Variants in METTL9 observed in about 807,000 individuals in gnomAD.
METTL9 encodes the protein methyltransferase 9, His-X-His N1(pi)-histidine, also known as protein-L-histidine N-pros-methyltransferase.
A neutral mutation model predicts 36.0 loss-of-function variants in METTL9; 10 were observed. The ratio of observed to expected loss-of-function variants is 0.28; its 90% CI spans 0.17 to 0.47. The LOEUF (loss-of-function observed/expected upper bound fraction) is 0.47, where lower values mean the gene tolerates loss of function less well. Ranked by LOEUF, METTL9 falls within the 20% of genes least tolerant of loss-of-function variation. The probability of loss-of-function intolerance (pLI) is 0.99; values close to 1 mark genes in which losing one functional copy is unlikely to be tolerated. For missense variants in METTL9, 246 were observed against 383.5 expected (o/e 0.64, Z 3.00); for synonymous variants, 175 against 149.7 (o/e 1.17, Z -1.23).
chr16:21,633,730 G>T (rs1051019874), intron 4 of METTL9, among the ~76,000 whole-genome samples: 2 of 152,158 alleles, frequency 1.3e-5, no homozygotes, highest in African/African-American at 2.4e-5. Flanking sequence ...TCCTAGAATT[G>T]AGGTGTTTCA....
At chr16:21,631,084 G>A (rs1271044085) in intron 4 of METTL9, among the ~76,000 whole-genome samples, 3 of 152,134 alleles carry the variant, frequency 2.0e-5, no homozygotes, top group Non-Finnish European at 2.9e-5. Flanking sequence ...TGTAGAGTAT[G>A]GATAGATTTT....
chr16:21,613,835 T>G (rs1056684833), intron 2 of METTL9, among the ~76,000 whole-genome samples: 2 of 14,678 alleles, frequency 1.4e-4, no homozygotes, highest in Non-Finnish European at 2.0e-4. Context: ...TTTTTTTTGT[T>G]TTTTTTTTTT....
At chr16:21,612,904 A>G in intron 2 of METTL9, 69 bp downstream of exon 2, 1 of 1,366,016 alleles carries the variant, frequency 7.3e-7, no homozygotes, top group Non-Finnish European at 9.8e-7. Context: ...CACAAAAAGA[A>G]AAGTTATCTT....
rs1304187461 is a variant in METTL9 at position 21,643,174 on chromosome 16, A to G, written c.752-12053A>G. ...CTTCTTCTATAAAGACAAATGAGAA[A>G]AAAAAATTCTCTTTTGGGAATATAA... On this transcript the variant is annotated intron_variant, in intron 4 of 4. Coordinates refer to ENST00000358154, the MANE Select transcript of METTL9 (RefSeq NM_016025.5). 7 of 1,566,292 alleles carry G rather than the reference A, an allele frequency of 4.5e-6. No homozygotes were observed. The East Asian group carries it at 1.6e-4, about 35-fold the overall frequency.
intron 4 of METTL9, among the ~76,000 whole-genome samples, chr16:21,630,640 G>A (rs1297347076): frequency 6.6e-6 from 1 of 152,212 alleles, no homozygotes; most frequent in Admixed American, 6.5e-5. Context: ...GAACTCTTTA[G>A]GCCAGTGGAA....
chr16:21,608,075 G>A (rs1965336030), intron 1 of METTL9, among the ~76,000 whole-genome samples: 1 of 152,026 alleles, frequency 6.6e-6, no homozygotes, highest in South Asian at 2.1e-4. Flanking sequence ...CTTGAACCCG[G>A]CAGGCAGAGG....
intron 1 of METTL9, among the ~76,000 whole-genome samples, chr16:21,603,501 A>G (rs187491192): frequency 1.7e-3 from 261 of 152,346 alleles, no homozygotes; most frequent in African/African-American, 6.0e-3. Context: ...GGGAAGAAAT[A>G]GAGGCAGGCA....
intron 4 of METTL9, among the ~76,000 whole-genome samples, chr16:21,648,844 A>C (rs1015347374): frequency 9.2e-5 from 14 of 152,214 alleles, no homozygotes; most frequent in Non-Finnish European, 1.8e-4. Context: ...AAAGTCATCC[A>C]AGTGGTCTGA....
chr16:21,636,586 G>A (rs1051577859), intron 4 of METTL9, among the ~76,000 whole-genome samples: 11 of 152,198 alleles, frequency 7.2e-5, no homozygotes, highest in East Asian at 3.8e-4. Flanking sequence ...GCTCATGGCC[G>A]CAGGGTCAAC....
At chr16:21,605,084 A>G (rs1810439767) in intron 1 of METTL9, among the ~76,000 whole-genome samples, 1 of 151,912 alleles carries the variant, frequency 6.6e-6, no homozygotes, top group Admixed American at 6.6e-5. Flanking sequence ...TACATACAGA[A>G]AAGTGAGGGT....
At chr16:21,622,105 G>T (rs1276654659) in intron 3 of METTL9, among the ~76,000 whole-genome samples, 1 of 139,304 alleles carries the variant, frequency 7.2e-6, no homozygotes. Context: ...GCCTCCCAAA[G>T]TGCTAGGATT....
chr16:21,605,257 C>CCTTTTTTTTTTTTTTTTTTT (rs1965246523), intron 1 of METTL9, among the ~76,000 whole-genome samples: 2 of 51,204 alleles, frequency 3.9e-5, no homozygotes, highest in Non-Finnish European at 7.7e-5. Context: ...GGCTTGCCTT[C>CCTTTTTTTTTTTTTTTTTTT]TTTTTTTTTT....
chr16:21,597,306 C>T (rs1435053649), upstream of METTL9: 2 of 1,288,352 alleles, frequency 1.6e-6, no homozygotes, highest in East Asian at 1.1e-4. Flanking sequence ...AAAAGGTCAG[C>T]TATTGAATTT....
In METTL9 at chr16:21,655,450, T is replaced by A. The variant is rs766488958; in HGVS notation, c.*18T>A. On this transcript the variant is annotated 3_prime_UTR_variant, in exon 5 of 5. Coordinates refer to ENST00000358154, the MANE Select transcript of METTL9 (RefSeq NM_016025.5). Reference sequence around the variant, plus strand: ...CAGTATAAACACGTGGAGGTCGAAGTCTTCAGAGTCCGCACCCTCCGGGAT... The same window carrying A: ...CAGTATAAACACGTGGAGGTCGAAGACTTCAGAGTCCGCACCCTCCGGGAT... 4.4e-6 allele frequency: 7 copies of A among 1,605,420 alleles called. No homozygotes were observed.
intron 1 of METTL9, among the ~76,000 whole-genome samples, chr16:21,604,732 T>C (rs764689429): frequency 6.6e-6 from 1 of 152,244 alleles, no homozygotes; most frequent in African/African-American, 2.4e-5. Context: ...AATCCTTAGC[T>C]GTCAAGCTCT....
intron 4 of METTL9, chr16:21,647,062 G>C: frequency 2.5e-6 from 4 of 1,592,658 alleles, no homozygotes; most frequent in Non-Finnish European, 3.4e-6. Context: ...TTCTACATGT[G>C]AGTGAGGTAA....
intron 4 of METTL9, among the ~76,000 whole-genome samples, chr16:21,630,279 C>T (rs1448476964): frequency 1.3e-5 from 2 of 152,232 alleles, no homozygotes; most frequent in Middle Eastern, 3.2e-3. Context: ...AGTGCGGGGC[C>T]TGCCGAGCCT....
chr16:21,653,269 T>G (rs982673856), intron 4 of METTL9: 11 of 151,676 alleles, frequency 7.3e-5, no homozygotes, highest in African/African-American at 2.2e-4. Context: ...TTTTTTTTTT[T>G]GTAGATTCTG....
rs1371596461 is a variant in METTL9, at chr16:21,625,134, G to T, written c.751+19G>T. ...GAAAACGGTAAGTGTGGTCAGTCAGGCTAGCTCTTACTGAGGATAGCTGTT... is the reference window on the plus strand; with the variant it reads ...GAAAACGGTAAGTGTGGTCAGTCAGTCTAGCTCTTACTGAGGATAGCTGTT... On this transcript the variant is annotated intron_variant, in intron 4 of 4. Transcript: ENST00000358154. 4 of 1,612,378 alleles carry T rather than the reference G, an allele frequency of 2.5e-6. No homozygotes were observed. The highest frequency in any genetic ancestry group is 2.5e-6 in the Non-Finnish European group (3 of 1,178,574).
Sources: allele counts gnomAD v4.1 joint callset (sites outside exome capture counted in the v4.1 genomes callset), GRCh38; gene constraint gnomAD v4.1.1; transcripts MANE v1.5; gene names NCBI Gene and HGNC (gene_info 2026-07-23, HGNC 2026-07-21).